Variants in UTRN observed in about 807,000 individuals in gnomAD.
UTRN encodes utrophin.
UTRN carries 283 observed loss-of-function variants against 463.9 expected under a neutral mutation model. The ratio of observed to expected loss-of-function variants is 0.61; its 90% confidence interval spans 0.55 to 0.67. The LOEUF (loss-of-function observed/expected upper bound fraction) is 0.67, where lower values mean the gene tolerates loss of function less well. Among genes scored for constraint, UTRN ranks in the 30% least tolerant of loss-of-function variants. The probability of loss-of-function intolerance (pLI) is 0.00; values close to 1 mark genes in which losing one functional copy is unlikely to be tolerated. For synonymous variants in UTRN, 1,442 were observed against 1,431.5 expected, an observed-to-expected ratio of 1.01 and a Z score of -0.17; for missense variants, 3,922 against 4,084.3, an observed-to-expected ratio of 0.96 and a Z score of 1.08.
Position 144,722,586 on chromosome 6 carries a change from G to A in UTRN, c.7810-7771G>A, listed in dbSNP as rs745442584. On this transcript the variant is annotated intron_variant, in intron 53 of 74. Coordinates refer to ENST00000367545, the MANE Select transcript of UTRN (RefSeq NM_007124.3). The stretch of plus-strand genomic sequence containing the variant: ...GCTTCAAACAATAGACTGTGACACC[G>A]TGATGTGCAAACTCTAGAGCTTTGC... Among the ~76,000 whole-genome samples the A allele has an allele frequency of 3.3e-5, 5 of 152,084 alleles. No homozygotes were observed. In the East Asian group the frequency reaches 9.6e-4, roughly 29 times the overall value.
intron 2 of UTRN, among the ~76,000 whole-genome samples, chr6:144,307,649 A>G (rs1042478205): frequency 1.3e-5 from 2 of 152,200 alleles, no homozygotes; most frequent in Non-Finnish European, 2.9e-5. Context: ...AAAAGACCTG[A>G]TTGCTAGAAT....
At chr6:144,360,863 C>A (rs1231811773) in intron 2 of UTRN, among the ~76,000 whole-genome samples, 3 of 152,110 alleles carry the variant, frequency 2.0e-5, no homozygotes, top group African/African-American at 7.2e-5. Flanking sequence ...TACTCCCTAG[C>A]AGTGTTTCCT....
At chr6:144,351,938 T>C (rs1778146168) in intron 2 of UTRN, among the ~76,000 whole-genome samples, 1 of 152,202 alleles carries the variant, frequency 6.6e-6, no homozygotes, top group Admixed American at 6.5e-5. Flanking sequence ...CCGACACTGC[T>C]ACTTTTCTCC....
chr6:144,304,839 A>G (rs190510545), intron 2 of UTRN, among the ~76,000 whole-genome samples: 1 of 152,228 alleles, frequency 6.6e-6, no homozygotes, highest in East Asian at 1.9e-4. Context: ...CATTTTTAAA[A>G]TTCTGAAGTA....
At chr6:144,655,650 CT>C (rs1460105165) in intron 51 of UTRN, among the ~76,000 whole-genome samples, 3 of 151,798 alleles carry the variant, frequency 2.0e-5, no homozygotes, top group Non-Finnish European at 4.4e-5. Context: ...TCTTTTTGTT[CT>C]TTGTGTTGGC....
At chr6:144,695,984 T>C (rs542302973) in intron 52 of UTRN, among the ~76,000 whole-genome samples, 2 of 152,304 alleles carry the variant, frequency 1.3e-5, no homozygotes, top group East Asian at 3.9e-4. Flanking sequence ...GCCAGTAAAA[T>C]TGTCAAATCT....
At chr6:144,703,344 C>A (rs1784774579) in intron 53 of UTRN, among the ~76,000 whole-genome samples, 1 of 152,074 alleles carries the variant, frequency 6.6e-6, no homozygotes, top group Non-Finnish European at 1.5e-5. Context: ...ATATATAAAT[C>A]TGAAGTTAGA....
At chr6:144,322,787 T>TA (rs1775743111) in intron 2 of UTRN, among the ~76,000 whole-genome samples, 1 of 151,962 alleles carries the variant, frequency 6.6e-6, no homozygotes, top group East Asian at 1.9e-4. Flanking sequence ...ACTAAAAATA[T>TA]AAAAAATTAG....
chr6:144,499,217 C>A, intron 33 of UTRN, 40 bp from the exon 34 acceptor site: 17 of 1,572,668 alleles, frequency 1.1e-5, no homozygotes, highest in Non-Finnish European at 1.5e-5. Flanking sequence ...TGTTCATTCC[C>A]ATCTCAGTCT....
intron 74 of UTRN, 46 bp from the exon 75 acceptor site, chr6:144,850,943 A>G: frequency 6.2e-7 from 1 of 1,612,310 alleles, no homozygotes; most frequent in South Asian, 1.1e-5. Flanking sequence ...TGCTTCCTGT[A>G]ATGTTTTGTG....
intron 51 of UTRN, among the ~76,000 whole-genome samples, chr6:144,603,144 A>G (rs1269333198): frequency 6.6e-6 from 1 of 152,084 alleles, no homozygotes; most frequent in African/African-American, 2.4e-5. Context: ...TATTTCTTTA[A>G]CTATTTTATG....
intron 53 of UTRN, among the ~76,000 whole-genome samples, chr6:144,704,743 C>T (rs951701054): frequency 6.6e-6 from 1 of 152,082 alleles, no homozygotes; most frequent in Non-Finnish European, 1.5e-5. Flanking sequence ...GCAGGCGGAT[C>T]ATGAGGTCAA....
At position 144,516,345 on chromosome 6, in the gene UTRN, A is replaced by G; in HGVS notation, c.5361A>G (p.Lys1787=). ...KLENDIENML[K]FVEKHLESSD... is the part of the protein sequence containing the mutation. ...AAAATGACATAGAAAATATGTTAAA[A>G]TTTGTGGAAAAACACTTGGAATCCA... The change falls in exon 38 of 75, where the codon AAA becomes AAG. Residue 1787 remains lysine (K), a synonymous_variant. Transcript: ENST00000367545. The G allele has an allele frequency of 6.2e-7, 1 of 1,613,732 alleles. No individual in the cohort carries two copies. The highest frequency in any genetic ancestry group is 8.5e-7 in the Non-Finnish European group (1 of 1,179,866).
intron 43 of UTRN, among the ~76,000 whole-genome samples, chr6:144,534,260 A>G (rs1273344090): frequency 2.0e-5 from 3 of 152,206 alleles, no homozygotes; most frequent in Non-Finnish European, 4.4e-5. Flanking sequence ...CACCTTGCAC[A>G]CATTGCCTTG....
intron 51 of UTRN, among the ~76,000 whole-genome samples, chr6:144,591,465 G>A (rs1263054387): frequency 2.6e-5 from 4 of 152,270 alleles, no homozygotes; most frequent in African/African-American, 9.6e-5. Flanking sequence ...TAGGCTCTGA[G>A]ATGGCCCCTA....
intron 73 of UTRN, among the ~76,000 whole-genome samples, chr6:144,845,004 T>C (rs1477365324): frequency 1.3e-5 from 2 of 152,254 alleles, no homozygotes; most frequent in Non-Finnish European, 2.9e-5. Context: ...GTGAATTGCC[T>C]ATTTTAACAT....
At chr6:144,675,954 A>G (rs1481614575) in intron 51 of UTRN, among the ~76,000 whole-genome samples, 2 of 152,156 alleles carry the variant, frequency 1.3e-5, no homozygotes, top group African/African-American at 4.8e-5. Context: ...AGATTGCCAA[A>G]TGTTTCCCCA....
chr6:144,673,669 A>G (rs1210003737), intron 51 of UTRN, among the ~76,000 whole-genome samples: 2 of 152,086 alleles, frequency 1.3e-5, no homozygotes, highest in Non-Finnish European at 2.9e-5. Context: ...GTGAGGTACT[A>G]TTCTATTCCT....
chr6:144,747,830 A>G (rs181599238), intron 54 of UTRN, among the ~76,000 whole-genome samples: 1 of 152,300 alleles, frequency 6.6e-6, no homozygotes, highest in East Asian at 1.9e-4. Flanking sequence ...TTTGCTTATA[A>G]TTTATAGTCA....
Sources: gnomAD v4.1 joint callset for allele counts (sites outside exome capture counted in the v4.1 genomes callset) on GRCh38, gnomAD v4.1.1 for gene constraint, MANE v1.5 for transcripts, NCBI Gene and HGNC (gene_info 2026-07-23, HGNC 2026-07-21) for gene names.